Variants in PCDHA6 observed in about 807,000 individuals in gnomAD.
The protein encoded by PCDHA6 is protocadherin alpha-6.
In PCDHA6, 55 loss-of-function variants were observed where a neutral mutation model predicts 60.3. That is an observed-to-expected ratio of 0.91 (90% CI 0.73 to 1.14). The LOEUF (loss-of-function observed/expected upper bound fraction) is 1.14. Ranked by LOEUF, PCDHA6 falls within the 50% of genes most tolerant of loss-of-function variation. PCDHA6 has a pLI of 0.00. For missense variants in PCDHA6, 1,327 were observed against 1,256.5 expected, an observed-to-expected ratio of 1.06 and a Z score of -0.85; for synonymous variants, 652 against 557.9, an observed-to-expected ratio of 1.17 and a Z score of -2.38.
chr5:140,836,322 C>T (rs2150257752), intron 1 of PCDHA6: 37 of 1,613,644 alleles, frequency 2.3e-5, no homozygotes, highest in Admixed American at 3.3e-5. Context: ...GCGCCACCGC[C>T]TTCTGGTGCT....
chr5:140,953,075 A>G (rs1208986278), intron 1 of PCDHA6, among the ~76,000 whole-genome samples: 4 of 152,190 alleles, frequency 2.6e-5, no homozygotes, highest in Admixed American at 2.6e-4. Context: ...CATCTCCAAC[A>G]TTGGGGATTA....
Position 140,887,790 on chromosome 5 carries a change from T to C in PCDHA6, c.2394+57305T>C, listed in dbSNP as rs564215639. On this transcript the variant is annotated intron_variant, in intron 1 of 3. Coordinates refer to ENST00000529310, the MANE Select transcript of PCDHA6 (RefSeq NM_018909.4). ...ACAATGACACAGGTCATTGAAGCGT[T>C]CTTTATTTTTGTCCATTTCTTTCTC... Among the ~76,000 whole-genome samples, 4 of 152,288 alleles carry C rather than the reference T, an allele frequency of 2.6e-5. No individual in the cohort carries two copies. The East Asian group carries it at 7.7e-4, about 29-fold the overall frequency.
intron 1 of PCDHA6, among the ~76,000 whole-genome samples, chr5:140,935,731 T>C (rs923257790): frequency 2.6e-5 from 4 of 152,202 alleles, no homozygotes; most frequent in Non-Finnish European, 4.4e-5. Context: ...AGAAGTCTAG[T>C]ATCTATTATT....
At chr5:140,947,949 AT>A (rs1326528139) in intron 1 of PCDHA6, among the ~76,000 whole-genome samples, 1 of 151,494 alleles carries the variant, frequency 6.6e-6, no homozygotes, top group African/African-American at 2.4e-5. Context: ...AGTGTTCCAT[AT>A]TTTACAATTA....
intron 1 of PCDHA6, chr5:140,881,443 G>A: frequency 1.2e-6 from 1 of 818,722 alleles, no homozygotes; most frequent in Non-Finnish European, 1.5e-6. Context: ...TATAAAAACA[G>A]AATCCAAAAC....
rs1004548473 is a variant in PCDHA6 at position 141,011,507 on chromosome 5, G to T, written c.*1570G>T. Reference sequence around the variant, plus strand: ...CCTTTTGTACACCTGTGAAAAAGTGGAGTAGTGTTTTTTTAACCATTGTTA... The same window carrying T: ...CCTTTTGTACACCTGTGAAAAAGTGTAGTAGTGTTTTTTTAACCATTGTTA... On this transcript the variant is annotated 3_prime_UTR_variant, in exon 4 of 4. Transcript: ENST00000529310. 5.2e-5 allele frequency: 8 copies of T among 153,740 alleles called. No individual in the cohort carries two copies. The highest frequency in any genetic ancestry group is 1.9e-4 in the African/African-American group (8 of 41,440). The allele number at this position is 153,740 out of a possible 1,614,324, so 9.5% of individuals were successfully genotyped here. A position where few individuals can be genotyped will look rare whatever the true frequency, so the allele number is the denominator to read the frequency against.
Position 140,979,705 on chromosome 5 carries a change from G to A in PCDHA6, c.2453+698G>A, listed in dbSNP as rs138804576. Among the ~76,000 whole-genome samples, 597 of 152,336 alleles carry A rather than the reference G, an allele frequency of 3.9e-3. 4 individuals carry two copies. The highest frequency in any genetic ancestry group is 0.014 in the African/African-American group (562 of 41,570). On this transcript the variant is annotated intron_variant, in intron 2 of 3. Coordinates refer to ENST00000529310, the MANE Select transcript of PCDHA6 (RefSeq NM_018909.4). ...ATTAACTACCATTATTTCTGGAGGT[G>A]ATCCAGTATCCATGCCATGGGGCCA... is the stretch of plus-strand genomic sequence containing the variant.
intron 1 of PCDHA6, chr5:140,867,918 T>C (rs1236326427): frequency 6.6e-6 from 1 of 152,144 alleles, no homozygotes; most frequent in Non-Finnish European, 1.5e-5. Context: ...TAATTAAAAA[T>C]CACTTCCCTT....
intron 1 of PCDHA6, among the ~76,000 whole-genome samples, chr5:140,846,226 T>G (rs2150386125): frequency 1.3e-5 from 2 of 149,694 alleles, no homozygotes; most frequent in African/African-American, 4.9e-5. Context: ...ATAGTATTTT[T>G]CTTAAAAAGA....
chr5:140,871,610 T>C (rs2053222652), intron 1 of PCDHA6: 1 of 1,429,404 alleles, frequency 7.0e-7, no homozygotes, highest in South Asian at 1.5e-5. Context: ...GTTTTGAATA[T>C]TGTTTTAGAT....
Position 140,830,060 on chromosome 5 carries a change from C to T in PCDHA6, c.1969C>T (p.Pro657Ser). The change falls in exon 1 of 4, where the codon CCG (proline) becomes TCG (serine). Residue 657 changes from proline to serine, a missense_variant. Coordinates refer to ENST00000529310, the MANE Select transcript of PCDHA6 (RefSeq NM_018909.4). ...LLVLVKDHGE[P>S]ALTATATVLV... Reference sequence around the variant, plus strand: ...GGTGCTGGTGAAAGACCACGGTGAGCCGGCGCTGACAGCGACGGCCACGGT... The same window carrying T: ...GGTGCTGGTGAAAGACCACGGTGAGTCGGCGCTGACAGCGACGGCCACGGT... 6.2e-7 allele frequency: 1 copy of T among 1,613,712 alleles called. No homozygotes were observed. Among genetic ancestry groups the T allele is most frequent in the South Asian group, 1.1e-5 (1 of 91,072 alleles).
intron 1 of PCDHA6, chr5:140,861,361 T>C: frequency 2.8e-6 from 1 of 352,562 alleles, no homozygotes; most frequent in Admixed American, 3.2e-5. Flanking sequence ...CATAGCGTCT[T>C]CGCGGTCCCT....
chr5:140,953,778 A>AT, intron 1 of PCDHA6, among the ~76,000 whole-genome samples: 1 of 152,106 alleles, frequency 6.6e-6, no homozygotes, highest in South Asian at 2.1e-4. Context: ...ATATTTATTT[A>AT]TTTTTTTCTT....
At chr5:140,952,768 AT>A (rs1554220610) in intron 1 of PCDHA6, among the ~76,000 whole-genome samples, 1 of 152,180 alleles carries the variant, frequency 6.6e-6, no homozygotes, top group African/African-American at 2.4e-5. Context: ...AGACTGGATA[AT>A]TTAGAAAGAA....
rs200630375 is a variant in PCDHA6, at chr5:140,857,325, C to A, written c.2394+26840C>A. 1.8e-5 allele frequency: 28 copies of A among 1,598,630 alleles called. 3 individuals are homozygous for A. The highest frequency in any genetic ancestry group is 3.4e-5 in the Admixed American group (2 of 59,352). Reference sequence around the variant, plus strand: ...TCGGCCTATGAGCTGGTGGTGACCGCGCGGGACGGGGGCTCGCCTCCGCTG... The same window carrying A: ...TCGGCCTATGAGCTGGTGGTGACCGAGCGGGACGGGGGCTCGCCTCCGCTG... On this transcript the variant is annotated intron_variant, in intron 1 of 3. Transcript: ENST00000529310.
intron 1 of PCDHA6, among the ~76,000 whole-genome samples, chr5:140,844,991 A>G (rs1435563145): frequency 2.0e-5 from 3 of 149,284 alleles, no homozygotes; most frequent in South Asian, 4.3e-4. Flanking sequence ...AAATCTTTTA[A>G]TCACTTATGA....
At chr5:140,920,412 ACAGCTGTTCTC>A (rs1294144005) in intron 1 of PCDHA6, among the ~76,000 whole-genome samples, 2 of 152,146 alleles carry the variant, frequency 1.3e-5, no homozygotes, top group African/African-American at 4.8e-5. Context: ...TTAATCAGAT[ACAGCTGTTCTC>A]CCACACACCT....
At chr5:140,987,690 T>C (rs4912736) in intron 3 of PCDHA6, among the ~76,000 whole-genome samples, 37,365 of 152,116 alleles carry the variant, frequency 0.25, 5,761 homozygotes, top group East Asian at 0.43. Context: ...AGTAGCTATT[T>C]TTAAATGATT....
intron 1 of PCDHA6, among the ~76,000 whole-genome samples, chr5:140,911,719 G>C (rs1184939092): frequency 6.6e-6 from 1 of 151,412 alleles, no homozygotes; most frequent in African/African-American, 2.5e-5. Context: ...GTGTAACTCT[G>C]TAAACAGTTC....
Sources: allele counts gnomAD v4.1 joint callset (sites outside exome capture counted in the v4.1 genomes callset), GRCh38; gene constraint gnomAD v4.1.1; transcripts MANE v1.5; gene names NCBI Gene and HGNC (gene_info 2026-07-23, HGNC 2026-07-21).